Variants in LHFPL3 observed in about 807,000 individuals in gnomAD.
The protein encoded by LHFPL3 is LHFPL tetraspan subfamily member 3 protein.
Under a neutral mutation model 19.3 loss-of-function variants are expected in LHFPL3, and 5 were observed. The observed-to-expected ratio is 0.26, with a 90% CI of 0.14 to 0.54. LHFPL3 has a LOEUF of 0.54. Among genes scored for constraint, LHFPL3 ranks in the 20% least tolerant of loss-of-function variants. The pLI is 0.94. For missense variants in LHFPL3, 249 were observed against 307.4 expected (o/e 0.81, Z 1.42); for synonymous variants, 133 against 126.2 (o/e 1.05, Z -0.36).
chr7:104,724,188 A>C (rs988351108), intron 1 of LHFPL3, among the ~76,000 whole-genome samples: 2 of 152,202 alleles, frequency 1.3e-5, no homozygotes, highest in African/African-American at 4.8e-5. Context: ...ATGCCAGAAA[A>C]CAGAAATTTA....
intron 1 of LHFPL3, among the ~76,000 whole-genome samples, chr7:104,594,758 C>T (rs1481608699): frequency 2.0e-5 from 3 of 152,056 alleles, no homozygotes; most frequent in African/African-American, 7.2e-5. Flanking sequence ...TTTTCTCTAA[C>T]CTTGTTTACT....
chr7:104,499,723 A>T (rs902916106), intron 1 of LHFPL3, among the ~76,000 whole-genome samples: 1 of 152,214 alleles, frequency 6.6e-6, no homozygotes, highest in Admixed American at 6.5e-5. Context: ...GGGACGCTTA[A>T]ATCATTAAAC....
intron 2 of LHFPL3, among the ~76,000 whole-genome samples, chr7:104,897,383 A>G (rs938076353): frequency 9.9e-5 from 15 of 152,218 alleles, no homozygotes; most frequent in African/African-American, 3.6e-4. Context: ...CTAGAGAGGA[A>G]GCATACATCA....
intron 1 of LHFPL3, among the ~76,000 whole-genome samples, chr7:104,626,079 T>TAAGAC (rs1403320210): frequency 8.5e-5 from 13 of 152,190 alleles, no homozygotes; most frequent in African/African-American, 3.1e-4. Flanking sequence ...TTCATATAAA[T>TAAGAC]AAGACAATGA....
At chr7:104,566,133 C>A (rs530731308) in intron 1 of LHFPL3, among the ~76,000 whole-genome samples, 1 of 151,940 alleles carries the variant, frequency 6.6e-6, no homozygotes, top group African/African-American at 2.4e-5. Context: ...GGCTTTTGGG[C>A]CCAGGACTTT....
chr7:104,514,453 G>A lies in LHFPL3; in HGVS notation c.445+185229G>A, dbSNP rs570331451. ...GTTATTGCTCACAATTTTAGCCACA[G>A]TCACCAGCCCATTGCCTGACATATT... On this transcript the variant is annotated intron_variant, in intron 1 of 2. Coordinates refer to ENST00000424859, the MANE Select transcript of LHFPL3 (RefSeq NM_199000.3). 6.6e-5 allele frequency among the ~76,000 whole-genome samples: 10 copies of A among 152,280 alleles called. No individual in the cohort carries two copies. In the South Asian group the frequency reaches 2.1e-3, roughly 32 times the overall value.
intron 1 of LHFPL3, among the ~76,000 whole-genome samples, chr7:104,430,406 A>ATATGTGTATATATATATATATG (rs1562895153): frequency 1.3e-4 from 4 of 31,428 alleles, no homozygotes; most frequent in African/African-American, 6.3e-4. Context: ...ATATATATAC[A>ATATGTGTATATATATATATATG]TATATATATA....
At chr7:104,827,162 C>T (rs4144809) in intron 2 of LHFPL3, among the ~76,000 whole-genome samples, 30,200 of 151,932 alleles carry the variant, frequency 0.2, 3,316 homozygotes, top group East Asian at 0.3. Flanking sequence ...TCAATGTGAG[C>T]ACTGACAAAT....
At chr7:104,525,200 T>G (rs1043393769) in intron 1 of LHFPL3, among the ~76,000 whole-genome samples, 1 of 152,188 alleles carries the variant, frequency 6.6e-6, no homozygotes, top group Non-Finnish European at 1.5e-5. Flanking sequence ...CCAATTCAAA[T>G]CATCTGAAGA....
At chr7:104,891,414 A>T (rs1276459399) in intron 2 of LHFPL3, among the ~76,000 whole-genome samples, 1 of 152,160 alleles carries the variant, frequency 6.6e-6, no homozygotes, top group African/African-American at 2.4e-5. Flanking sequence ...TGTGTGAGAC[A>T]GGAAATCAGG....
intron 2 of LHFPL3, among the ~76,000 whole-genome samples, chr7:104,809,518 G>A (rs1334105447): frequency 1.3e-5 from 2 of 152,130 alleles, no homozygotes; most frequent in Non-Finnish European, 2.9e-5. Context: ...CCCTATCCAA[G>A]GACAGTTGTA....
At chr7:104,749,379 G>A (rs1041241780) in intron 2 of LHFPL3, among the ~76,000 whole-genome samples, 14 of 152,334 alleles carry the variant, frequency 9.2e-5, no homozygotes, top group African/African-American at 2.4e-4. Flanking sequence ...TGAAGAGCTC[G>A]ACCTACAAAA....
intron 1 of LHFPL3, among the ~76,000 whole-genome samples, chr7:104,489,693 G>A (rs1314502403): frequency 6.6e-6 from 1 of 151,902 alleles, no homozygotes; most frequent in Non-Finnish European, 1.5e-5. Context: ...TCCACTCTAG[G>A]TACTGAAAAG....
intron 1 of LHFPL3, among the ~76,000 whole-genome samples, chr7:104,663,028 T>C (rs1258836608): frequency 6.6e-6 from 1 of 152,232 alleles, no homozygotes; most frequent in East Asian, 1.9e-4. Flanking sequence ...TAAACTGTGC[T>C]GGGCATTTAA....
intron 1 of LHFPL3, among the ~76,000 whole-genome samples, chr7:104,355,417 G>A (rs1275565725): frequency 3.3e-5 from 5 of 152,156 alleles, no homozygotes; most frequent in African/African-American, 9.7e-5. Context: ...ATGGGGTGGT[G>A]CCCAGATGAA....
chr7:104,831,161 A>AAATT (rs2116558209), intron 2 of LHFPL3, among the ~76,000 whole-genome samples: 2 of 152,108 alleles, frequency 1.3e-5, no homozygotes, highest in South Asian at 4.1e-4. Flanking sequence ...TACAAATTAA[A>AAATT]AATTATATTC....
chr7:104,588,658 T>A (rs1416657792), intron 1 of LHFPL3, among the ~76,000 whole-genome samples: 1 of 152,160 alleles, frequency 6.6e-6, no homozygotes, highest in Admixed American at 6.5e-5. Context: ...GTGAAGAAAG[T>A]CATTGGTAGC....
chr7:104,537,632 T>C (rs1002168459), intron 1 of LHFPL3, among the ~76,000 whole-genome samples: 6 of 152,224 alleles, frequency 3.9e-5, no homozygotes, highest in South Asian at 2.1e-4. Context: ...GTAACACATG[T>C]AAATTCAAAA....
chr7:104,797,644 T>C (rs1447112853), intron 2 of LHFPL3, among the ~76,000 whole-genome samples: 1 of 151,766 alleles, frequency 6.6e-6, no homozygotes, highest in Admixed American at 6.6e-5. Context: ...CTAGGTGTGG[T>C]GGCTCACACC....
Sources: gnomAD v4.1 joint callset for allele counts (sites outside exome capture counted in the v4.1 genomes callset) on GRCh38, gnomAD v4.1.1 for gene constraint, MANE v1.5 for transcripts, NCBI Gene and HGNC (gene_info 2026-07-23, HGNC 2026-07-21) for gene names.